Variants in MYO1F observed in about 807,000 individuals in gnomAD.
The protein encoded by MYO1F is myosin IF, also known as unconventional myosin-If.
A neutral mutation model predicts 146.6 loss-of-function variants in MYO1F; 60 were observed. The ratio of observed to expected loss-of-function variants is 0.41; its 90% CI spans 0.33 to 0.51. MYO1F has a LOEUF of 0.51. MYO1F is among the 20% of genes least tolerant of loss of function. MYO1F has a pLI of 0.25. For missense variants in MYO1F, 1,274 were observed against 1,534.3 expected (o/e 0.83, Z 2.83); for synonymous variants, 602 against 602.1 (o/e 1.00, Z 0.00).
At chr19:8,564,308 G>A (rs552415383) in intron 1 of MYO1F, among the ~76,000 whole-genome samples, 70 of 152,222 alleles carry the variant, frequency 4.6e-4, no homozygotes, top group Non-Finnish European at 7.5e-4. Flanking sequence ...TTGAACCCAG[G>A]AGGCAGAGGT....
At chr19:8,559,827 G>A (rs1974004478) in intron 1 of MYO1F, among the ~76,000 whole-genome samples, 1 of 151,834 alleles carries the variant, frequency 6.6e-6, no homozygotes, top group Admixed American at 6.6e-5. Flanking sequence ...GCGCACGCCT[G>A]TAATCCCAGC....
intron 4 of MYO1F, 75 bp downstream of exon 4, chr19:8,554,402 A>C: frequency 7.7e-7 from 1 of 1,303,488 alleles, no homozygotes; most frequent in South Asian, 1.2e-5. Context: ...GTTTCAGGCA[A>C]ACCTCCCTGG....
chr19:8,527,036 G>T, intron 22 of MYO1F, 101 bp from the exon 23 acceptor site: 2 of 1,483,624 alleles, frequency 1.3e-6, no homozygotes, highest in Non-Finnish European at 1.9e-6. Context: ...GGAAGGGTCA[G>T]CTAAGGGCCA....
chr19:8,532,763 G>A (rs572053502), intron 19 of MYO1F, among the ~76,000 whole-genome samples: 3 of 151,888 alleles, frequency 2.0e-5, no homozygotes, highest in Admixed American at 6.6e-5. Context: ...TGGCACGCAT[G>A]TGTAGTCCCA....
intron 22 of MYO1F, 65 bp downstream of exon 22, chr19:8,527,273 C>G: frequency 6.2e-7 from 1 of 1,608,280 alleles, no homozygotes; most frequent in Non-Finnish European, 8.5e-7. Flanking sequence ...GACGGGGTCA[C>G]TAGAATGAGG....
intron 24 of MYO1F, 81 bp downstream of exon 24, chr19:8,526,372 C>T: frequency 6.6e-7 from 1 of 1,517,568 alleles, no homozygotes; most frequent in Non-Finnish European, 8.9e-7. Context: ...TCTCTGTAGA[C>T]ACTCCCCTTC....
At chr19:8,574,638 TTTCTTTCCTTTCTTTCTC>T (rs2042194847) in intron 1 of MYO1F, among the ~76,000 whole-genome samples, 3 of 54,612 alleles carry the variant, frequency 5.5e-5, no homozygotes, top group Non-Finnish European at 8.0e-5. Flanking sequence ...TCTTTCTTTC[TTTCTTTCCTTTCTTTCTC>T]TTTCTTCTTT....
intron 14 of MYO1F, chr19:8,543,966 G>T: frequency 2.9e-6 from 1 of 343,994 alleles, no homozygotes. Flanking sequence ...GGTGGTGGTG[G>T]TGGTGCTGGT....
At chr19:8,556,282 A>G (rs1296177273) in intron 1 of MYO1F, among the ~76,000 whole-genome samples, 1 of 150,658 alleles carries the variant, frequency 6.6e-6, no homozygotes, top group Admixed American at 6.6e-5. Flanking sequence ...CACCCGCCTC[A>G]GGCTCCCAAA....
chr19:8,546,354 G>A lies in MYO1F; in HGVS notation c.1270-618C>T, dbSNP rs1393269523. On this transcript the variant is annotated intron_variant, in intron 12 of 27. Transcript: ENST00000644032. ...GCTGGGATTACAGGCATGAGCCACC[G>A]CACACAGCTTGCTTTTTTTTTTTGA... Among the ~76,000 whole-genome samples, 8 of 146,562 alleles carry A rather than the reference G, an allele frequency of 5.5e-5. No individual in the cohort carries two copies. The East Asian group carries it at 7.9e-4, about 14-fold the overall frequency.
Position 8,548,062 on chromosome 19 carries a change from T to C in MYO1F, c.1243A>G (p.Ile415Val), listed in dbSNP as rs756377158. Residue 415 changes from isoleucine to valine, a missense_variant, in exon 12 of 28, where the codon ATC becomes GTC. Around this residue, in one of 2 missense-constraint regions of MYO1F, gnomAD observed 900 missense variants for 1,155.1 expected, o/e 0.78. Transcript: ENST00000644032. ...FVNEKLQQIF[I>V]ELTLKAEQEE... Reference sequence around the variant, plus strand: ...TGCTCGGCCTTCAGGGTAAGTTCGATAAAGATTTGCTGCAGCTTCTCATTG... The same window carrying C: ...TGCTCGGCCTTCAGGGTAAGTTCGACAAAGATTTGCTGCAGCTTCTCATTG... 1 of 1,610,992 alleles carries C rather than the reference T, an allele frequency of 6.2e-7. No individual in the cohort carries two copies. Among genetic ancestry groups the C allele is most frequent in the South Asian group, 1.1e-5 (1 of 90,982 alleles).
At chr19:8,542,137 G>C in intron 14 of MYO1F, 146 bp from the exon 15 acceptor site, 1 of 688,000 alleles carries the variant, frequency 1.5e-6, no homozygotes, top group Non-Finnish European at 2.6e-6. Flanking sequence ...AGCGCTGGCT[G>C]GGGGGTATCT....
chr19:8,577,241 G>C lies in MYO1F; in HGVS notation c.3+66C>G. 6.3e-7 allele frequency: 1 copy of C among 1,588,664 alleles called. No homozygotes were observed. On this transcript the variant is annotated intron_variant, in intron 1 of 27. Coordinates refer to ENST00000644032, the MANE Select transcript of MYO1F (RefSeq NM_012335.4). This position sits in a 1 kb window ranked among gnomAD's most constrained non-coding sequence, Gnocchi z 4.3. ...CCCCAATTTCTGATGGTCATTTTTA[G>C]GACACCTCCACCTGGCTGGTGTCCC...
chr19:8,575,078 C>CT lies in MYO1F; in HGVS notation c.3+2228dup, dbSNP rs576218913. 5.6e-3 allele frequency among the ~76,000 whole-genome samples: 756 copies of CT among 135,564 alleles called. 15 individuals carry two copies. Among genetic ancestry groups the CT allele is most frequent in the Admixed American group, 0.025 (337 of 13,314 alleles). The allele number at this position is 135,564 out of a possible 152,430, so 88.9% of individuals were successfully genotyped here. ...GCCAACGGCATTAGATTTTCTTTTT[C>CT]TTTTTTTTTTTTTTTTGAGACGGAG... On this transcript the variant is annotated intron_variant, in intron 1 of 27. Transcript: ENST00000644032.
At chr19:8,575,732 TATC>T (rs1325757977) in intron 1 of MYO1F, among the ~76,000 whole-genome samples, 2 of 150,904 alleles carry the variant, frequency 1.3e-5, no homozygotes, top group Admixed American at 1.3e-4. Context: ...TTTTCTCTTC[TATC>T]ATCCTCTGCG....
rs761606405 is a variant in MYO1F, at chr19:8,548,122, T to G, written c.1183A>C (p.Lys395Gln). Residue 395 changes from lysine (K) to glutamine (Q), a missense_variant and splice_region_variant, in exon 12 of 28, where the codon AAA becomes CAA. This residue lies in a region of MYO1F where 900 missense variants were observed against 1,155.1 expected (regional missense o/e 0.78). Coordinates refer to ENST00000644032, the MANE Select transcript of MYO1F (RefSeq NM_012335.4). The part of the protein sequence containing the change: ...LDIYGFEIFQ[K>Q]NGFEQFCINF... ...ATGCAAAACTGCTCGAAGCCATTTT[T>G]CTGCAGAAGGAGGAAAAGGGTCCTT... 6.2e-7 allele frequency: 1 copy of G among 1,614,072 alleles called. No individual in the cohort carries two copies. Among genetic ancestry groups the G allele is most frequent in the Admixed American group, 1.7e-5 (1 of 59,990 alleles).
chr19:8,559,823 G>A (rs1429541370), intron 1 of MYO1F, among the ~76,000 whole-genome samples: 2 of 151,832 alleles, frequency 1.3e-5, no homozygotes, highest in African/African-American at 4.8e-5. Context: ...GGTGGCGCAC[G>A]CCTGTAATCC....
At chr19:8,522,851 A>G in intron 25 of MYO1F, 22 bp from the exon 26 acceptor site, 1 of 1,541,154 alleles carries the variant, frequency 6.5e-7, no homozygotes, top group Non-Finnish European at 8.7e-7. Flanking sequence ...GCAAGGATGA[A>G]GACATGTATT....
intron 12 of MYO1F, 148 bp from the exon 13 acceptor site, chr19:8,545,884 G>A: frequency 1.4e-6 from 1 of 695,100 alleles, no homozygotes. Flanking sequence ...GGCTGGAAGT[G>A]CCAGGGAATT....
Sources: gnomAD v4.1 joint callset for allele counts (sites outside exome capture counted in the v4.1 genomes callset) on GRCh38, gnomAD v4.1.1 for gene constraint, gnomAD v4.1.1 regional missense constraint, Gnocchi (gnomAD v3.1) non-coding constraint, MANE v1.5 for transcripts, NCBI Gene and HGNC (gene_info 2026-07-23, HGNC 2026-07-21) for gene names.